The following GALNT13 variants were observed in gnomAD, a reference collection of about 807,000 sequenced individuals.
GALNT13 encodes UDP-GalNAc:polypeptide N-acetylgalactosaminyltransferase 13.
GALNT13 carries 28 observed loss-of-function variants against 64.2 expected under a neutral mutation model. The observed-to-expected ratio is 0.44, with a 90% CI of 0.32 to 0.60. The LOEUF (loss-of-function observed/expected upper bound fraction) is 0.60. Among genes scored for constraint, GALNT13 ranks in the 20% least tolerant of loss-of-function variants. The pLI, the probability that GALNT13 is intolerant of heterozygous loss-of-function variation, is 0.05. For synonymous variants in GALNT13, 214 were observed against 224.6 expected, an observed-to-expected ratio of 0.95 and a Z score of 0.42; for missense variants, 577 against 669.8, an observed-to-expected ratio of 0.86 and a Z score of 1.53.
At chr2:153,107,084 T>A in the GALNT13 span, among the ~76,000 whole-genome samples, 3 of 152,314 alleles carry the variant, frequency 2.0e-5, no homozygotes, top group Middle Eastern at 3.4e-3. Context: ...TCTGTTTATC[T>A]GTTCATCTTA....
chr2:153,164,378 T>A, the GALNT13 span, among the ~76,000 whole-genome samples: 272 of 152,318 alleles, frequency 1.8e-3, 4 homozygotes, highest in African/African-American at 6.4e-3. Context: ...TTTTTCATTT[T>A]ATTTTTACTA....
At chr2:153,675,939 T>C in the GALNT13 span, among the ~76,000 whole-genome samples, 1 of 151,822 alleles carries the variant, frequency 6.6e-6, no homozygotes, top group African/African-American at 2.4e-5. Flanking sequence ...AACAACCTAA[T>C]ATCACACCTA....
At chr2:153,417,971 T>C in the GALNT13 span, among the ~76,000 whole-genome samples, 1 of 152,216 alleles carries the variant, frequency 6.6e-6, no homozygotes, top group Non-Finnish European at 1.5e-5. Context: ...TGCCAATGTT[T>C]AGGTTAGAAA....
At chr2:153,562,412 G>A in the GALNT13 span, among the ~76,000 whole-genome samples, 14 of 151,988 alleles carry the variant, frequency 9.2e-5, no homozygotes, top group African/African-American at 2.9e-4. Flanking sequence ...ACACCCTATC[G>A]AGGAGTGAAC....
intron 9 of GALNT13, among the ~76,000 whole-genome samples, chr2:154,347,124 T>C (rs1188837886): frequency 1.3e-5 from 2 of 152,138 alleles, no homozygotes; most frequent in Non-Finnish European, 2.9e-5. Flanking sequence ...GCAATAATGA[T>C]TGTTAAAATA....
rs371077896 is a variant in GALNT13, at chr2:153,897,244, G to A, written c.-176-3692G>A. 5.9e-5 allele frequency among the ~76,000 whole-genome samples: 9 copies of A among 152,122 alleles called. No individual in the cohort carries two copies. The East Asian group carries it at 1.5e-3, about 26-fold the overall frequency. On this transcript the variant is annotated intron_variant, in intron 1 of 12. Transcript: ENST00000392825. ...TCCCAGTATATTTCTAGGATCCCAGGTGTATTTTGTTGTCTTATCATTAAA... is the reference window on the plus strand; with the variant it reads ...TCCCAGTATATTTCTAGGATCCCAGATGTATTTTGTTGTCTTATCATTAAA...
chr2:154,294,224 T>C (rs572412859), intron 8 of GALNT13, among the ~76,000 whole-genome samples: 1 of 152,344 alleles, frequency 6.6e-6, no homozygotes, highest in South Asian at 2.1e-4. Context: ...CTATCCTCAA[T>C]ATATTTAAGA....
chr2:153,544,860 G>A, the GALNT13 span, among the ~76,000 whole-genome samples: 10 of 152,056 alleles, frequency 6.6e-5, no homozygotes, highest in Admixed American at 5.9e-4. Context: ...TAACAAAATC[G>A]GTTATAATCA....
chr2:153,531,670 C>T, the GALNT13 span, among the ~76,000 whole-genome samples: 6 of 152,128 alleles, frequency 3.9e-5, no homozygotes, highest in Admixed American at 3.3e-4. Context: ...TGAGATAAGG[C>T]AAGTTCCTTT....
chr2:153,325,193 T>C, the GALNT13 span, among the ~76,000 whole-genome samples: 3 of 136,204 alleles, frequency 2.2e-5, no homozygotes, highest in Non-Finnish European at 1.6e-5. Flanking sequence ...ATTGCTCTAT[T>C]AAGGGATTTG....
At chr2:153,686,113 C>T in the GALNT13 span, among the ~76,000 whole-genome samples, 2 of 151,986 alleles carry the variant, frequency 1.3e-5, no homozygotes, top group East Asian at 1.9e-4. Flanking sequence ...TTAGGATTTC[C>T]TTGGCTGTTC....
At chr2:153,786,849 C>A in the GALNT13 span, among the ~76,000 whole-genome samples, 1 of 152,182 alleles carries the variant, frequency 6.6e-6, no homozygotes, top group Non-Finnish European at 1.5e-5. Context: ...ACACCTCCAA[C>A]AAGTAGCAGT....
chr2:153,418,220 G>C, the GALNT13 span, among the ~76,000 whole-genome samples: 1 of 152,136 alleles, frequency 6.6e-6, no homozygotes, highest in African/African-American at 2.4e-5. Context: ...TGCTAGAAGG[G>C]AGGCACAAGC....
chr2:153,987,845 C>G (rs549916512), intron 3 of GALNT13, among the ~76,000 whole-genome samples: 65 of 151,782 alleles, frequency 4.3e-4, no homozygotes, highest in African/African-American at 1.4e-3. Context: ...CTGACCAAAA[C>G]TATTGCATTA....
the GALNT13 span, among the ~76,000 whole-genome samples, chr2:153,246,797 A>G: frequency 6.6e-6 from 1 of 152,210 alleles, no homozygotes; most frequent in Admixed American, 6.6e-5. Context: ...ATACATAACA[A>G]TGTTAACCTT....
the GALNT13 span, among the ~76,000 whole-genome samples, chr2:153,747,100 T>C: frequency 2.0e-5 from 3 of 152,118 alleles, no homozygotes; most frequent in Non-Finnish European, 4.4e-5. Flanking sequence ...AGTAGGTATA[T>C]ATATTTATGG....
the GALNT13 span, among the ~76,000 whole-genome samples, chr2:153,524,542 TC>T: frequency 6.6e-6 from 1 of 151,916 alleles, no homozygotes; most frequent in African/African-American, 2.4e-5. Flanking sequence ...ATGCCACACC[TC>T]CCCCATCTCC....
chr2:153,741,566 A>G, the GALNT13 span, among the ~76,000 whole-genome samples: 1 of 152,212 alleles, frequency 6.6e-6, no homozygotes, highest in African/African-American at 2.4e-5. Flanking sequence ...TGCTGAGTGA[A>G]GAATCTAGTA....
chr2:153,637,453 G>A, the GALNT13 span, among the ~76,000 whole-genome samples: 3 of 151,608 alleles, frequency 2.0e-5, no homozygotes. Context: ...TCTACATTTT[G>A]TTACTGATAA....
Sources: allele counts gnomAD v4.1 joint callset (sites outside exome capture counted in the v4.1 genomes callset), GRCh38; gene constraint gnomAD v4.1.1; transcripts MANE v1.5; gene names NCBI Gene and HGNC (gene_info 2026-07-23, HGNC 2026-07-21).